The following ATP13A5 variants were observed in gnomAD, a reference collection of about 807,000 sequenced individuals.
ATP13A5 encodes the protein probable cation-transporting ATPase 13A5.
ATP13A5 carries 149 observed loss-of-function variants against 150.2 expected under a neutral mutation model. The observed-to-expected ratio is 0.99, with a 90% CI of 0.87 to 1.14. The LOEUF (loss-of-function observed/expected upper bound fraction) is 1.14, where lower values mean the gene tolerates loss of function less well. Ranked by LOEUF, ATP13A5 falls within the 50% of genes most tolerant of loss-of-function variation. ATP13A5 has a pLI of 0.00. For missense variants in ATP13A5, 1,383 were observed against 1,449.3 expected (o/e 0.95, Z 0.74); for synonymous variants, 497 against 522.2 (o/e 0.95, Z 0.66).
At chr3:193,306,638 G>C (rs1470034125) in intron 22 of ATP13A5, among the ~76,000 whole-genome samples, 1 of 152,114 alleles carries the variant, frequency 6.6e-6, no homozygotes, top group African/African-American at 2.4e-5. Context: ...CCATAAATCA[G>C]CTACTGAAAT....
chr3:193,373,903 C>T (rs1713540655), intron 1 of ATP13A5, among the ~76,000 whole-genome samples: 1 of 152,196 alleles, frequency 6.6e-6, no homozygotes, highest in Non-Finnish European at 1.5e-5. Context: ...ACCAAGCAGC[C>T]ATTTTGCCTT....
At chr3:193,276,404 A>T (rs570202486) in intron 29 of ATP13A5, among the ~76,000 whole-genome samples, 145 of 152,310 alleles carry the variant, frequency 9.5e-4, no homozygotes, top group African/African-American at 3.2e-3. Context: ...CACTCTAAAA[A>T]GTCTCTTTGG....
At position 193,345,026 on chromosome 3, in the gene ATP13A5, A is replaced by T. The variant is rs971721015; in HGVS notation, c.791T>A (p.Val264Asp). ...ACCTTTGTCTTTTACAATGATTGTA[A>T]CCTGGACTTTGTTGTGGTCCTCCAC... Reference protein sequence around the residue: ...NLVEDHNKVQVTIIVKDKGLE... With the variant: ...NLVEDHNKVQDTIIVKDKGLE... Residue 264 changes from valine to aspartate, a missense_variant, in exon 8 of 30, where the codon GTT becomes GAT. Val to Asp is a radical substitution (Grantham distance 152, BLOSUM62 -3). Around this residue, in one of 3 missense-constraint regions of ATP13A5, gnomAD observed 787 missense variants for 771.9 expected, o/e 1.02. Transcript: ENST00000342358. The T allele has an allele frequency of 1.2e-6, 2 of 1,613,760 alleles. No homozygotes were observed. The highest frequency in any genetic ancestry group is 1.7e-6 in the Non-Finnish European group (2 of 1,179,712).
intron 1 of ATP13A5, 75 bp from the exon 2 acceptor site, chr3:193,364,355 A>G: frequency 1.3e-6 from 2 of 1,522,606 alleles, no homozygotes; most frequent in Admixed American, 3.9e-5. Flanking sequence ...TCAATAAACC[A>G]AACTTGAGAT....
chr3:193,341,059 G>T (rs566334668), intron 9 of ATP13A5, among the ~76,000 whole-genome samples: 6 of 152,088 alleles, frequency 3.9e-5, no homozygotes, highest in South Asian at 2.1e-4. Flanking sequence ...TAGAGTTGCA[G>T]GTTGAATGAA....
chr3:193,331,337 C>T (rs1423091504), intron 11 of ATP13A5, 26 bp from the exon 12 acceptor site: 12 of 1,598,324 alleles, frequency 7.5e-6, no homozygotes, highest in Non-Finnish European at 9.4e-6. Flanking sequence ...CATTTTCATA[C>T]AGGATAGCCC....
At chr3:193,352,368 G>C (rs1712595839) in intron 6 of ATP13A5, among the ~76,000 whole-genome samples, 1 of 152,212 alleles carries the variant, frequency 6.6e-6, no homozygotes, top group Non-Finnish European at 1.5e-5. Flanking sequence ...TGATCTTGAA[G>C]TTAAACAAAT....
intron 11 of ATP13A5, among the ~76,000 whole-genome samples, chr3:193,331,865 G>A (rs554259082): frequency 6.6e-6 from 1 of 152,256 alleles, no homozygotes; most frequent in South Asian, 2.1e-4. Flanking sequence ...CATTTAACAG[G>A]TAAGGAAACT....
intron 9 of ATP13A5, among the ~76,000 whole-genome samples, chr3:193,340,027 G>A (rs1293663491): frequency 1.3e-5 from 2 of 152,230 alleles, no homozygotes; most frequent in Admixed American, 1.3e-4. Flanking sequence ...GAAGCCTCAT[G>A]TTTTGGCCTT....
At chr3:193,295,917 G>C (rs1194839514) in intron 25 of ATP13A5, among the ~76,000 whole-genome samples, 1 of 152,120 alleles carries the variant, frequency 6.6e-6, no homozygotes, top group Non-Finnish European at 1.5e-5. Flanking sequence ...CCCATGAGGG[G>C]AAGTCATAAG....
intron 1 of ATP13A5, among the ~76,000 whole-genome samples, chr3:193,364,796 A>G (rs928945005): frequency 6.6e-6 from 1 of 152,192 alleles, no homozygotes; most frequent in Non-Finnish European, 1.5e-5. Flanking sequence ...GAATAAATGT[A>G]CTATTTTCTA....
intron 6 of ATP13A5, among the ~76,000 whole-genome samples, chr3:193,352,340 T>C (rs1261248272): frequency 6.6e-6 from 1 of 152,254 alleles, no homozygotes; most frequent in Non-Finnish European, 1.5e-5. Flanking sequence ...GATTGTAGAT[T>C]ATGTGCAAAT....
chr3:193,355,323 C>A (rs1475111936), intron 5 of ATP13A5, among the ~76,000 whole-genome samples: 1 of 152,156 alleles, frequency 6.6e-6, no homozygotes, highest in African/African-American at 2.4e-5. Flanking sequence ...ACATTATTCC[C>A]ATGAGATTTC....
intron 12 of ATP13A5, among the ~76,000 whole-genome samples, chr3:193,327,886 G>C (rs911159646): frequency 6.6e-6 from 1 of 152,164 alleles, no homozygotes; most frequent in African/African-American, 2.4e-5. Flanking sequence ...GGGCCCACCA[G>C]AGCTTTACCA....
rs1469935588 is a variant in ATP13A5 at position 193,345,365 on chromosome 3, AG to A, written c.742-291del. Among the ~76,000 whole-genome samples the A allele has an allele frequency of 1.8e-4, 27 of 152,204 alleles. 1 individual carries two copies. Among genetic ancestry groups the A allele is most frequent in the African/African-American group, 5.1e-4 (21 of 41,462 alleles). ...CAAGGAACCTGTTAAAAGAAACTTTAGACAAATTAAATTTAATGGGAGTTTA... is the reference window on the plus strand; with the variant it reads ...CAAGGAACCTGTTAAAAGAAACTTTAACAAATTAAATTTAATGGGAGTTTA... On this transcript the variant is annotated intron_variant, in intron 7 of 29. Coordinates refer to ENST00000342358, the MANE Select transcript of ATP13A5 (RefSeq NM_198505.4).
chr3:193,371,386 T>G (rs1246906773), intron 1 of ATP13A5, among the ~76,000 whole-genome samples: 1 of 152,222 alleles, frequency 6.6e-6, no homozygotes, highest in Non-Finnish European at 1.5e-5. Context: ...GATGGTGTAT[T>G]AGTTTTCTGT....
chr3:193,325,188 T>C (rs1319821628), intron 13 of ATP13A5, among the ~76,000 whole-genome samples, 174 bp from the exon 14 acceptor site: 1 of 152,234 alleles, frequency 6.6e-6, no homozygotes, highest in Non-Finnish European at 1.5e-5. Context: ...TTCAAAGTCT[T>C]GTCCACTTCG....
rs907486235 is a variant in ATP13A5, at chr3:193,330,981, C to T, written c.1461+142G>A. 9.2e-6 allele frequency: 7 copies of T among 762,568 alleles called. No individual in the cohort carries two copies. The South Asian group carries it at 1.4e-4, about 15-fold the overall frequency. The allele number at this position is 762,568 out of a possible 1,614,324, so 47.2% of individuals were successfully genotyped here. ...CAGGCTCCTAGAATGTGATCTTGCA[C>T]TAGCTCACTCTGTGACCTTCTCTGG... On this transcript the variant is annotated intron_variant, in intron 12 of 29. Transcript: ENST00000342358.
intron 9 of ATP13A5, among the ~76,000 whole-genome samples, chr3:193,338,485 G>A (rs1247575797): frequency 7.2e-5 from 11 of 152,186 alleles, no homozygotes; most frequent in Non-Finnish European, 2.9e-5. Context: ...CATCTCTTGA[G>A]ATAATCATGT....
Sources: allele counts gnomAD v4.1 joint callset (sites outside exome capture counted in the v4.1 genomes callset), GRCh38; gene constraint gnomAD v4.1.1; regional missense constraint gnomAD v4.1.1; transcripts MANE v1.5; gene names NCBI Gene and HGNC (gene_info 2026-07-23, HGNC 2026-07-21).